GPC6: variants seen among roughly 807,000 people sequenced by gnomAD.
GPC6 encodes the protein glypican-6.
GPC6 carries 14 observed loss-of-function variants against 55.2 expected under a neutral mutation model. The ratio of observed to expected loss-of-function variants is 0.25; its 90% CI spans 0.17 to 0.40. The LOEUF is 0.40. GPC6 is among the 10% of genes least tolerant of loss of function. The probability of loss-of-function intolerance (pLI) is 1.00; values close to 1 mark genes in which losing one functional copy is unlikely to be tolerated. For missense variants in GPC6, 641 were observed against 708.5 expected (o/e 0.90, Z 1.08); for synonymous variants, 278 against 259.6 (o/e 1.07, Z -0.68).
intron 1 of GPC6, among the ~76,000 whole-genome samples, chr13:93,264,961 C>CT (rs929339123): frequency 6.6e-5 from 10 of 152,148 alleles, no homozygotes; most frequent in South Asian, 4.1e-4. Context: ...TTCACCAACA[C>CT]TTTTTTTATA....
rs115748957 is a variant in GPC6, at chr13:94,077,426, C to A, written c.877+49532C>A. Reference sequence around the variant, plus strand: ...AAATCATGTCATTTGCATATAGAGACAATTTAAGTTTTTCCTTTCCAATTG... The same window carrying A: ...AAATCATGTCATTTGCATATAGAGAAAATTTAAGTTTTTCCTTTCCAATTG... On this transcript the variant is annotated intron_variant, in intron 4 of 8. Coordinates refer to ENST00000377047, the MANE Select transcript of GPC6 (RefSeq NM_005708.5). Among the ~76,000 whole-genome samples the A allele has an allele frequency of 7.8e-3, 1,189 of 151,832 alleles. 16 individuals are homozygous for A. Among genetic ancestry groups the A allele is most frequent in the African/African-American group, 0.026 (1,098 of 41,488 alleles).
At chr13:93,861,670 A>G (rs960374768) in intron 3 of GPC6, among the ~76,000 whole-genome samples, 2 of 151,570 alleles carry the variant, frequency 1.3e-5, no homozygotes, top group African/African-American at 4.8e-5. Flanking sequence ...GATGAATTTC[A>G]TTATCTCATG....
chr13:93,476,751 CT>C (rs1272650414), intron 1 of GPC6, among the ~76,000 whole-genome samples: 2 of 151,776 alleles, frequency 1.3e-5, no homozygotes, highest in Non-Finnish European at 2.9e-5. Context: ...TATTAAATGA[CT>C]TTTTTTTGTA....
intron 4 of GPC6, among the ~76,000 whole-genome samples, chr13:94,153,744 G>A (rs529165581): frequency 6.6e-6 from 1 of 152,142 alleles, no homozygotes. Context: ...AGCAGCATCC[G>A]CATTACTTGG....
At chr13:93,854,932 T>A (rs1207802373) in intron 3 of GPC6, among the ~76,000 whole-genome samples, 1 of 151,448 alleles carries the variant, frequency 6.6e-6, no homozygotes, top group African/African-American at 2.4e-5. Context: ...CCACATAACC[T>A]TTCCCCTCCT....
chr13:93,907,079 T>C (rs552004334), intron 3 of GPC6, among the ~76,000 whole-genome samples: 1 of 152,274 alleles, frequency 6.6e-6, no homozygotes, highest in African/African-American at 2.4e-5. Context: ...AAAGAAATAA[T>C]TCATTTTGTA....
chr13:93,231,381 A>ATG (rs1876031909), intron 1 of GPC6, among the ~76,000 whole-genome samples: 1 of 17,750 alleles, frequency 5.6e-5, no homozygotes, highest in African/African-American at 2.1e-4. Flanking sequence ...ATATATATAC[A>ATG]TATATATATA....
chr13:93,376,916 T>C (rs1181344222), intron 1 of GPC6, among the ~76,000 whole-genome samples: 3 of 152,206 alleles, frequency 2.0e-5, no homozygotes, highest in African/African-American at 7.2e-5. Flanking sequence ...ATATTAGGAA[T>C]TGCTGAAAAT....
chr13:93,267,093 G>A (rs1877348662), intron 1 of GPC6, among the ~76,000 whole-genome samples: 1 of 152,144 alleles, frequency 6.6e-6, no homozygotes, highest in South Asian at 2.1e-4. Context: ...AATAGCAAAA[G>A]CCAGCTGTGC....
chr13:93,891,721 CAG>C (rs1875692981), intron 3 of GPC6, among the ~76,000 whole-genome samples: 1 of 151,816 alleles, frequency 6.6e-6, no homozygotes, highest in Non-Finnish European at 1.5e-5. Context: ...TGTGTGCATA[CAG>C]TGTGTGTGTG....
At chr13:93,439,654 C>T (rs544164234) in intron 1 of GPC6, among the ~76,000 whole-genome samples, 24 of 148,062 alleles carry the variant, frequency 1.6e-4, no homozygotes, top group Non-Finnish European at 3.1e-4. Context: ...AAAAGTGAAA[C>T]TACATCTCAA....
At chr13:93,515,670 C>T (rs1465380392) in intron 1 of GPC6, among the ~76,000 whole-genome samples, 1 of 152,106 alleles carries the variant, frequency 6.6e-6, no homozygotes, top group East Asian at 1.9e-4. Flanking sequence ...AAAATAAATA[C>T]TGAAAATATA....
intron 1 of GPC6, among the ~76,000 whole-genome samples, chr13:93,382,524 C>G (rs975959950): frequency 6.6e-6 from 1 of 152,062 alleles, no homozygotes; most frequent in Non-Finnish European, 1.5e-5. Context: ...GCCCATGATT[C>G]TATGAGAATA....
intron 1 of GPC6, among the ~76,000 whole-genome samples, chr13:93,327,759 TAA>T (rs1491370382): frequency 1.4e-5 from 2 of 144,734 alleles, no homozygotes; most frequent in East Asian, 2.5e-4. Flanking sequence ...AAATTATATA[TAA>T]TATATATATA....
rs571248395 is a variant in GPC6, at chr13:94,026,751, T to C, written c.712-978T>C. 1.1e-4 allele frequency among the ~76,000 whole-genome samples: 17 copies of C among 152,190 alleles called. 1 individual carries two copies. The highest frequency in any genetic ancestry group is 3.4e-4 in the African/African-American group (14 of 41,532). On this transcript the variant is annotated intron_variant, in intron 3 of 8. Transcript: ENST00000377047. ...CTGAGGAGGTCTCAAGAAACTACAATCATGGCAGAAGGGGAAGCAAACACA... is the reference window on the plus strand; with the variant it reads ...CTGAGGAGGTCTCAAGAAACTACAACCATGGCAGAAGGGGAAGCAAACACA...
chr13:93,236,421 A>C (rs957477887), intron 1 of GPC6, among the ~76,000 whole-genome samples: 2 of 151,956 alleles, frequency 1.3e-5, no homozygotes, highest in African/African-American at 2.4e-5. Flanking sequence ...TGTCTATTAT[A>C]CCAGGGATCC....
chr13:93,806,128 T>C (rs1886535825), intron 2 of GPC6, among the ~76,000 whole-genome samples: 1 of 152,120 alleles, frequency 6.6e-6, no homozygotes, highest in South Asian at 2.1e-4. Context: ...TTGAACACCA[T>C]GGAATGCATG....
At chr13:94,338,292 G>A (rs544023668) in intron 6 of GPC6, among the ~76,000 whole-genome samples, 4 of 151,938 alleles carry the variant, frequency 2.6e-5, no homozygotes, top group South Asian at 2.1e-4. Flanking sequence ...AGAAAGTTTG[G>A]GGGAACCCAC....
intron 2 of GPC6, among the ~76,000 whole-genome samples, chr13:93,667,394 A>G (rs1881182126): frequency 6.6e-6 from 1 of 152,070 alleles, no homozygotes. Flanking sequence ...GCAATGCCTA[A>G]TTATATAAAG....
Sources: gnomAD v4.1 joint callset for allele counts (sites outside exome capture counted in the v4.1 genomes callset) on GRCh38, gnomAD v4.1.1 for gene constraint, MANE v1.5 for transcripts, NCBI Gene and HGNC (gene_info 2026-07-23, HGNC 2026-07-21) for gene names.